KHDRBS2: variants seen among roughly 807,000 people sequenced by gnomAD.
KHDRBS2 encodes KH domain-containing, RNA-binding, signal transduction-associated protein 2.
Under a neutral mutation model 44.3 loss-of-function variants are expected in KHDRBS2, and 26 were observed. The observed-to-expected ratio is 0.59, with a 90% confidence interval of 0.43 to 0.81. The LOEUF is 0.81. Among genes scored for constraint, KHDRBS2 ranks in the 40% least tolerant of loss-of-function variants. The pLI is 0.00. For missense variants in KHDRBS2, 476 were observed against 433.1 expected, an observed-to-expected ratio of 1.10 and a Z score of -0.88; for synonymous variants, 194 against 151.1, an observed-to-expected ratio of 1.28 and a Z score of -2.08.
intron 6 of KHDRBS2, among the ~76,000 whole-genome samples, chr6:61,852,169 C>T (rs546000473): frequency 6.6e-6 from 1 of 151,254 alleles, no homozygotes; most frequent in Non-Finnish European, 1.5e-5. Flanking sequence ...TCACAGTGAG[C>T]TGAGATCATG....
chr6:61,939,142 C>A (rs1431428652), intron 4 of KHDRBS2, among the ~76,000 whole-genome samples: 1 of 152,136 alleles, frequency 6.6e-6, no homozygotes, highest in Non-Finnish European at 1.5e-5. Flanking sequence ...ATTATCTGGC[C>A]TGAAATGTTA....
At chr6:61,854,816 A>G (rs938153566) in intron 6 of KHDRBS2, among the ~76,000 whole-genome samples, 1 of 152,188 alleles carries the variant, frequency 6.6e-6, no homozygotes, top group African/African-American at 2.4e-5. Flanking sequence ...CAAGTCTTTG[A>G]AGACCATAAT....
intron 2 of KHDRBS2, among the ~76,000 whole-genome samples, chr6:62,078,804 T>A (rs1484557029): frequency 6.6e-6 from 1 of 152,054 alleles, no homozygotes; most frequent in East Asian, 1.9e-4. Flanking sequence ...TTAAAGTGCT[T>A]TGATGCAAAA....
intron 6 of KHDRBS2, among the ~76,000 whole-genome samples, chr6:61,823,164 G>A (rs1379882641): frequency 1.3e-5 from 2 of 152,116 alleles, no homozygotes; most frequent in South Asian, 2.1e-4. Context: ...AAGGGGCCAT[G>A]AGAATGCTTT....
chr6:61,641,259 T>C, the KHDRBS2 span, among the ~76,000 whole-genome samples: 2 of 152,146 alleles, frequency 1.3e-5, no homozygotes, highest in African/African-American at 4.8e-5. Context: ...ATACAGCAGT[T>C]AGCATGCCAC....
At chr6:61,862,335 G>C (rs1357951575) in intron 6 of KHDRBS2, among the ~76,000 whole-genome samples, 5 of 151,920 alleles carry the variant, frequency 3.3e-5, no homozygotes. Flanking sequence ...CACTTCCCTG[G>C]CCAGAACTTC....
intron 2 of KHDRBS2, among the ~76,000 whole-genome samples, chr6:62,094,203 A>G (rs1800092109): frequency 1.3e-5 from 2 of 151,852 alleles, no homozygotes; most frequent in African/African-American, 4.8e-5. Flanking sequence ...AACATTTGTT[A>G]CATTTGGATT....
chr6:62,196,420 G>A (rs1345128635), intron 1 of KHDRBS2, among the ~76,000 whole-genome samples: 1 of 152,106 alleles, frequency 6.6e-6, no homozygotes, highest in African/African-American at 2.4e-5. Flanking sequence ...AGAACAGATA[G>A]GTATGGGAAG....
chr6:61,837,241 C>T (rs1299715717), intron 6 of KHDRBS2, among the ~76,000 whole-genome samples: 5 of 152,010 alleles, frequency 3.3e-5, no homozygotes, highest in African/African-American at 9.7e-5. Context: ...TTGAGTGTCA[C>T]ATAAGTATTC....
the KHDRBS2 span, among the ~76,000 whole-genome samples, chr6:61,556,060 C>T: frequency 1.9e-3 from 290 of 152,246 alleles, 1 homozygote; most frequent in African/African-American, 6.2e-3. Context: ...CACTGGTGGG[C>T]CTAGGGCTGC....
rs70996209 is a variant in KHDRBS2, at chr6:62,210,327, C to CT, written c.92-33016dup. On this transcript the variant is annotated intron_variant, in intron 1 of 8. Coordinates refer to ENST00000281156, the MANE Select transcript of KHDRBS2 (RefSeq NM_152688.4). ...ATAAAAGGCACATTATTCTAGCATTCTTTTTTTTTTTTTTTTTTTCAAGAC... is the reference window on the plus strand; with the variant it reads ...ATAAAAGGCACATTATTCTAGCATTCTTTTTTTTTTTTTTTTTTTTCAAGAC... Among the ~76,000 whole-genome samples the CT allele has an allele frequency of 7.9e-3, 963 of 122,116 alleles. 9 individuals carry two copies. Among genetic ancestry groups the CT allele is most frequent in the African/African-American group, 0.021 (715 of 33,628 alleles). The allele number at this position is 122,116 out of a possible 152,430, so 80.1% of individuals were successfully genotyped here. A position where few individuals can be genotyped will look rare whatever the true frequency, so the allele number is the denominator to read the frequency against.
chr6:61,780,545 A>AT (rs1782781419), intron 6 of KHDRBS2, among the ~76,000 whole-genome samples: 1 of 151,832 alleles, frequency 6.6e-6, no homozygotes, highest in South Asian at 2.1e-4. Context: ...AAACAGCAAA[A>AT]AACACTTGCT....
At chr6:61,772,507 A>T (rs1447792022) in intron 6 of KHDRBS2, among the ~76,000 whole-genome samples, 3 of 152,222 alleles carry the variant, frequency 2.0e-5, no homozygotes, top group Admixed American at 2.0e-4. Context: ...CAGAAATACA[A>T]ACTACCATCA....
At chr6:61,945,737 A>C (rs960052345) in intron 4 of KHDRBS2, among the ~76,000 whole-genome samples, 1 of 152,002 alleles carries the variant, frequency 6.6e-6, no homozygotes, top group Non-Finnish European at 1.5e-5. Context: ...GATATAAATA[A>C]ATATAATTGA....
intron 6 of KHDRBS2, among the ~76,000 whole-genome samples, chr6:61,796,385 A>T (rs569092279): frequency 6.6e-6 from 1 of 152,114 alleles, no homozygotes; most frequent in South Asian, 2.1e-4. Flanking sequence ...GCCCTATAGC[A>T]TTCAACATAT....
the KHDRBS2 span, among the ~76,000 whole-genome samples, chr6:61,577,137 T>TTTG: frequency 2.0e-3 from 300 of 150,898 alleles, 2 homozygotes; most frequent in African/African-American, 7.0e-3. Context: ...GTTTTTGTTT[T>TTTG]TTTTGTTTTT....
chr6:61,616,081 C>T, the KHDRBS2 span, among the ~76,000 whole-genome samples: 1 of 152,114 alleles, frequency 6.6e-6, no homozygotes, highest in South Asian at 2.1e-4. Flanking sequence ...AGTTCTGTAT[C>T]AAAATGGCAT....
At chr6:61,671,476 G>A in the KHDRBS2 span, among the ~76,000 whole-genome samples, 1 of 151,676 alleles carries the variant, frequency 6.6e-6, no homozygotes, top group African/African-American at 2.4e-5. Context: ...TCATAATAAA[G>A]TGTAAGAGAC....
chr6:61,937,223 G>T (rs980280811), intron 4 of KHDRBS2, among the ~76,000 whole-genome samples: 10 of 151,646 alleles, frequency 6.6e-5, no homozygotes, highest in South Asian at 2.1e-4. Context: ...ATTTCAATTG[G>T]TTTTTTATTG....
Sources: allele counts gnomAD v4.1 joint callset (sites outside exome capture counted in the v4.1 genomes callset), GRCh38; gene constraint gnomAD v4.1.1; transcripts MANE v1.5; gene names NCBI Gene and HGNC (gene_info 2026-07-23, HGNC 2026-07-21).